Variants in MACF1 observed in about 807,000 individuals in gnomAD.
MACF1 encodes microtubule actin crosslinking factor 1, also known as microtubule-actin cross-linking factor 1.
A neutral mutation model predicts 854.8 loss-of-function variants in MACF1; 193 were observed. That is an observed-to-expected ratio of 0.23 (90% CI 0.20 to 0.25). The LOEUF is 0.25. MACF1 is among the 10% of genes least tolerant of loss of function. The probability of loss-of-function intolerance (pLI) is 1.00; values close to 1 mark genes in which losing one functional copy is unlikely to be tolerated. For missense variants in MACF1, 7,722 were observed against 8,929.1 expected (o/e 0.86, Z 5.45); for synonymous variants, 3,185 against 3,226.7 (o/e 0.99, Z 0.44).
At position 39,334,159 on chromosome 1, in the gene MACF1, A is replaced by C; in HGVS notation, c.7571A>C (p.His2524Pro). The C allele has an allele frequency of 6.2e-7, 1 of 1,614,162 alleles. No homozygotes were observed. Among genetic ancestry groups the C allele is most frequent in the Non-Finnish European group, 8.5e-7 (1 of 1,179,982 alleles). ...CTTTCTGTTGATAATGCCTTCAGAC[A>C]TGGCTTAATTGGTGAAGATTTAGCC... ...MRLSVDNAFR[H>P]GLIGEDLAEK... The change falls in exon 37 of 101, where the codon CAT (histidine) becomes CCT (proline). Residue 2524 changes from histidine to proline, a missense_variant. Around this residue, in one of 15 missense-constraint regions of MACF1, gnomAD observed 1,531 missense variants for 1,601.6 expected, o/e 0.96. Coordinates refer to ENST00000564288, the MANE Select transcript of MACF1 (RefSeq NM_001394062.1).
chr1:39,419,570 A>G (rs768310175), intron 58 of MACF1, among the ~76,000 whole-genome samples: 5 of 152,212 alleles, frequency 3.3e-5, no homozygotes, highest in African/African-American at 4.8e-5. Context: ...AGCATTTTGG[A>G]TAAGGGATAT....
At chr1:39,474,018 C>T (rs1644827506) in intron 97 of MACF1, among the ~76,000 whole-genome samples, 1 of 152,084 alleles carries the variant, frequency 6.6e-6, no homozygotes, top group Admixed American at 6.6e-5. Context: ...CTTTGGGAGG[C>T]CTAGTAGGGA....
intron 14 of MACF1, among the ~76,000 whole-genome samples, chr1:39,286,413 A>G (rs1227630888): frequency 6.6e-6 from 1 of 152,174 alleles, no homozygotes; most frequent in African/African-American, 2.4e-5. Context: ...ATAGGGGGGA[A>G]AATTGAGACC....
intron 97 of MACF1, among the ~76,000 whole-genome samples, chr1:39,477,078 TATATATATATATACAC>T (rs1437066944): frequency 0.019 from 260 of 13,990 alleles, 16 homozygotes; most frequent in African/African-American, 0.048. Flanking sequence ...TATATATATA[TATATATATATATACAC>T]ACACACACAT....
chr1:39,125,951 C>T (rs1439906597), intron 2 of MACF1, among the ~76,000 whole-genome samples: 1 of 152,240 alleles, frequency 6.6e-6, no homozygotes, highest in Non-Finnish European at 1.5e-5. Flanking sequence ...TGAGATTGCG[C>T]CACTGCACTC....
At chr1:39,383,670 G>A (rs1650441404) in intron 56 of MACF1, among the ~76,000 whole-genome samples, 1 of 152,182 alleles carries the variant, frequency 6.6e-6, no homozygotes, top group Non-Finnish European at 1.5e-5. Flanking sequence ...GAGGTCAGGA[G>A]ATCGAGACCA....
chr1:39,126,090 CATA>C (rs1463341605), intron 2 of MACF1, among the ~76,000 whole-genome samples: 5 of 152,190 alleles, frequency 3.3e-5, no homozygotes. Flanking sequence ...GACCCTGTCT[CATA>C]GTAATAACAA....
chr1:39,481,195 C>T (rs537641679), intron 99 of MACF1, among the ~76,000 whole-genome samples, 165 bp downstream of exon 99: 2 of 152,152 alleles, frequency 1.3e-5, no homozygotes, highest in Non-Finnish European at 2.9e-5. Flanking sequence ...GTTTCTAACT[C>T]GGATTCACCA....
At chr1:39,261,429 A>G (rs1645162485) in intron 6 of MACF1, among the ~76,000 whole-genome samples, 1 of 152,196 alleles carries the variant, frequency 6.6e-6, no homozygotes, top group African/African-American at 2.4e-5. Context: ...TCATCATCCA[A>G]ATAAGATCCT....
In MACF1 at chr1:39,293,609, A is replaced by G. The variant is rs764622677; in HGVS notation, c.2144A>G (p.Asn715Ser). 5.0e-6 allele frequency: 8 copies of G among 1,612,950 alleles called. No homozygotes were observed. Among genetic ancestry groups the G allele is most frequent in the South Asian group, 1.1e-5 (1 of 90,950 alleles). ...DNNSNISAKR[N>S]YFSELTMELE... Reference sequence around the variant, plus strand: ...AATTCCAATATCTCAGCCAAGAGAAATTACTTCTCTGTGAGTCTAGCACAG... The same window carrying G: ...AATTCCAATATCTCAGCCAAGAGAAGTTACTTCTCTGTGAGTCTAGCACAG... The change falls in exon 18 of 101, where the codon AAT becomes AGT. Residue 715 changes from asparagine (N) to serine (S), a missense_variant. By Grantham distance (46) the Asn-to-Ser change is conservative (BLOSUM62 1). Transcript: ENST00000564288.
In MACF1 at chr1:39,260,722, AAACAAC is replaced by A. The variant is rs552141164; in HGVS notation, c.528+2709_528+2714del. ...TAGGCAATACTTGTATTATCTCTAAAAACAACAACAACAACAACAAACAAACAAAAA... is the reference window on the plus strand; with the variant it reads ...TAGGCAATACTTGTATTATCTCTAAAAACAACAACAACAAACAAACAAAAA... On this transcript the variant is annotated intron_variant, in intron 6 of 100. Transcript: ENST00000564288. Among the ~76,000 whole-genome samples the A allele has an allele frequency of 2.1e-3, 321 of 152,070 alleles. 1 individual carries two copies. Among genetic ancestry groups the A allele is most frequent in the African/African-American group, 7.2e-3 (299 of 41,478 alleles).
At chr1:39,330,802 CTTT>C (rs543557691) in intron 36 of MACF1, among the ~76,000 whole-genome samples, 3 of 139,926 alleles carry the variant, frequency 2.1e-5, no homozygotes, top group Middle Eastern at 3.7e-3. Flanking sequence ...TACTGTAGTA[CTTT>C]TTTTTTTTTT....
chr1:39,469,513 C>G (rs1471888009), intron 96 of MACF1, 34 bp from the exon 97 acceptor site: 7 of 1,493,762 alleles, frequency 4.7e-6, no homozygotes, highest in Non-Finnish European at 6.4e-6. Flanking sequence ...CCTGCCCTGT[C>G]TGTTTCTTTC....
chr1:39,484,477 C>T, intron 99 of MACF1, 124 bp from the exon 100 acceptor site: 1 of 807,940 alleles, frequency 1.2e-6, no homozygotes, highest in Non-Finnish European at 2.0e-6. Flanking sequence ...TCTTTGTTTT[C>T]CTGGACTTTT....
intron 26 of MACF1, 129 bp from the exon 27 acceptor site, chr1:39,315,384 T>A: frequency 1.4e-6 from 1 of 702,478 alleles, no homozygotes; most frequent in Non-Finnish European, 2.4e-6. Flanking sequence ...CTTCATAGTT[T>A]ATTCAACCAG....
rs2148518767 is a variant in MACF1, at chr1:39,360,908, G to A, written c.12360G>A (p.Leu4120=). ...QSVQESLESL[L]QSIGEVEQNL... ...TCCAGGAAAGCCTGGAGAGCCTGTTGCAGTCTATTGGGGAAGTTGAACAAA... is the reference window on the plus strand; with the variant it reads ...TCCAGGAAAGCCTGGAGAGCCTGTTACAGTCTATTGGGGAAGTTGAACAAA... The change falls in exon 48 of 101, where the codon TTG becomes TTA. Residue 4120 remains leucine, a synonymous_variant. Transcript: ENST00000564288. 1 of 1,614,004 alleles carries A rather than the reference G, an allele frequency of 6.2e-7. No homozygotes were observed. Among genetic ancestry groups the A allele is most frequent in the Non-Finnish European group, 8.5e-7 (1 of 1,179,992 alleles).
chr1:39,430,015 G>A lies in MACF1; in HGVS notation c.17077G>A (p.Gly5693Arg). 1.9e-6 allele frequency: 3 copies of A among 1,613,900 alleles called. No individual in the cohort carries two copies. Among genetic ancestry groups the A allele is most frequent in the Non-Finnish European group, 2.5e-6 (3 of 1,179,912 alleles). The change falls in exon 65 of 101, where the codon GGA (glycine) becomes AGA (arginine). Residue 5693 changes from glycine to arginine, a missense_variant. Physicochemically the swap from Gly to Arg is moderately radical, Grantham distance 125. This residue lies in a region of MACF1 where 2,807 missense variants were observed against 3,235.8 expected (regional missense o/e 0.87). Transcript: ENST00000564288. Reference sequence around the variant, plus strand: ...GGTGGAGGAGGAGCTGGCAACCAGTGGAGGACAGTCTCCCACAGGGGAACA... The same window carrying A: ...GGTGGAGGAGGAGCTGGCAACCAGTAGAGGACAGTCTCCCACAGGGGAACA... ...REVEEELATS[G>R]GQSPTGEQIP... is the part of the protein sequence containing the mutation.
chr1:39,131,815 ATTTG>A (rs1464271131), intron 2 of MACF1, among the ~76,000 whole-genome samples: 5 of 152,136 alleles, frequency 3.3e-5, no homozygotes, highest in Non-Finnish European at 4.4e-5. Flanking sequence ...TTGTTTATTT[ATTTG>A]TTTATTTTTT....
At chr1:39,330,257 G>C (rs1021917093) in intron 36 of MACF1, among the ~76,000 whole-genome samples, 2 of 152,146 alleles carry the variant, frequency 1.3e-5, no homozygotes, top group African/African-American at 2.4e-5. Context: ...ACTTAATTTA[G>C]AGCCATTGCC....
Sources: allele counts gnomAD v4.1 joint callset (sites outside exome capture counted in the v4.1 genomes callset), GRCh38; gene constraint gnomAD v4.1.1; regional missense constraint gnomAD v4.1.1; transcripts MANE v1.5; gene names NCBI Gene and HGNC (gene_info 2026-07-23, HGNC 2026-07-21).